Variants in MTHFD1 observed in about 807,000 individuals in gnomAD.
MTHFD1 encodes methylenetetrahydrofolate dehydrogenase, cyclohydrolase and formyltetrahydrofolate synthetase 1.
A neutral mutation model predicts 110.3 loss-of-function variants in MTHFD1; 44 were observed. The observed-to-expected ratio is 0.40, with a 90% CI of 0.31 to 0.51. The LOEUF is 0.51. Among genes scored for constraint, MTHFD1 ranks in the 20% least tolerant of loss-of-function variants. The probability of loss-of-function intolerance (pLI) is 0.60; values close to 1 mark genes in which losing one functional copy is unlikely to be tolerated. For missense variants in MTHFD1, 909 were observed against 1,173.1 expected, an observed-to-expected ratio of 0.77 and a Z score of 3.29; for synonymous variants, 402 against 428.8, an observed-to-expected ratio of 0.94 and a Z score of 0.77.
At chr14:64,439,232 C>T (rs913671516) in intron 17 of MTHFD1, 60 bp downstream of exon 17, 5 of 1,218,624 alleles carry the variant, frequency 4.1e-6, no homozygotes, top group Non-Finnish European at 3.6e-6. Flanking sequence ...TGCTGCTTCT[C>T]TCCTCCTCCA....
In MTHFD1 at chr14:64,454,834, G is replaced by A. The variant is rs1472102736; in HGVS notation, c.2677G>A (p.Ala893Thr). 6.8e-6 allele frequency: 11 copies of A among 1,614,058 alleles called. No homozygotes were observed. Among genetic ancestry groups the A allele is most frequent in the African/African-American group, 6.7e-5 (5 of 74,934 alleles). Residue 893 changes from alanine to threonine, a missense_variant, in exon 26 of 28, where the codon GCC becomes ACC. By Grantham distance (58) the Ala-to-Thr change is moderately conservative. Around this residue, in one of 3 missense-constraint regions of MTHFD1, gnomAD observed 482 missense variants for 646.0 expected, o/e 0.75. Coordinates refer to ENST00000652337, the MANE Select transcript of MTHFD1 (RefSeq NM_005956.4). ...CATTCTGCCCATTCGCGACATCCGC[G>A]CCAGCGTTGGGGCTGGTTTTCTGTA... The part of the protein sequence containing the change: ...GFILPIRDIR[A>T]SVGAGFLYPL...
At chr14:64,412,170 G>C (rs1027711856) in intron 3 of MTHFD1, among the ~76,000 whole-genome samples, 1 of 152,152 alleles carries the variant, frequency 6.6e-6, no homozygotes, top group Non-Finnish European at 1.5e-5. Context: ...GAACCAAAAA[G>C]GGGGAGGCAG....
chr14:64,435,012 T>G (rs2078194830), intron 15 of MTHFD1, among the ~76,000 whole-genome samples: 1 of 138,864 alleles, frequency 7.2e-6, no homozygotes, highest in East Asian at 2.3e-4. Context: ...TGCAGTGGCG[T>G]GATCTTGGCT....
Position 64,417,953 on chromosome 14 carries a change from C to T in MTHFD1, c.544C>T (p.His182Tyr), listed in dbSNP as rs1201888504. ...CAGTAAAATAGTTGGGGCCCCGATG[C>T]ATGACTTGCTTCTGTGGAACAATGC... The part of the protein sequence containing the change: ...GRSKIVGAPM[H>Y]DLLLWNNATV... Residue 182 changes from histidine to tyrosine, a missense_variant, in exon 7 of 28, where the codon CAT (histidine) becomes TAT (tyrosine). Physicochemically the swap from His to Tyr is moderately conservative, Grantham distance 83. This residue lies in a region of MTHFD1 where 424 missense variants were observed against 510.4 expected (regional missense o/e 0.83). Coordinates refer to ENST00000652337, the MANE Select transcript of MTHFD1 (RefSeq NM_005956.4). This position sits in a 1 kb window ranked among gnomAD's most constrained non-coding sequence, Gnocchi z 4.4. 1 of 1,613,998 alleles carries T rather than the reference C, an allele frequency of 6.2e-7. No homozygotes were observed. The highest frequency in any genetic ancestry group is 8.5e-7 in the Non-Finnish European group (1 of 1,180,024).
chr14:64,434,952 T>TC (rs1182787672), intron 15 of MTHFD1, among the ~76,000 whole-genome samples: 11 of 104,500 alleles, frequency 1.1e-4, no homozygotes, highest in Non-Finnish European at 1.4e-4. Context: ...CTCTTTTCTT[T>TC]TTTTTTTTTT....
rs1291334686 is a variant in MTHFD1, at chr14:64,419,816, A to G, written c.618A>G (p.Val206=). Residue 206 remains valine (V), a splice_region_variant and synonymous_variant, in exon 8 of 28, where the codon GTA becomes GTG. Transcript: ENST00000652337. ...ATGTCCAAATCCCCTACCCCTAGGT[A>G]AATAAAGGTGACATCCTGGTGGTTG... The part of the protein sequence containing the change: ...HSKTAHLDEE[V]NKGDILVVAT... 4.3e-6 allele frequency: 7 copies of G among 1,609,654 alleles called. No homozygotes were observed. In the African/African-American group the frequency reaches 9.4e-5, roughly 22 times the overall value.
chr14:64,392,217 C>G (rs1410509609), intron 1 of MTHFD1, among the ~76,000 whole-genome samples: 1 of 152,166 alleles, frequency 6.6e-6, no homozygotes. Context: ...GGGTCAATGG[C>G]AATGGCCCTG....
chr14:64,427,488 G>A lies in MTHFD1; in HGVS notation c.1264+15G>A. ...TGGAATAAAAGGTACTAGTGAGACT[G>A]GACCATGGGTGGTGACAGGGGACCT... On this transcript the variant is annotated intron_variant, in intron 12 of 27. Transcript: ENST00000652337. 1 of 1,613,872 alleles carries A rather than the reference G, an allele frequency of 6.2e-7. No homozygotes were observed. Among genetic ancestry groups the A allele is most frequent in the South Asian group, 1.1e-5 (1 of 91,078 alleles).
intron 13 of MTHFD1, 150 bp downstream of exon 13, chr14:64,430,380 C>T (rs1459608424): frequency 2.7e-6 from 2 of 732,278 alleles, no homozygotes; most frequent in Admixed American, 2.0e-5. Context: ...CTCACTGCAA[C>T]CTCTGCCTCC....
chr14:64,397,178 T>G (rs1388679389), intron 1 of MTHFD1, among the ~76,000 whole-genome samples: 15 of 15,316 alleles, frequency 9.8e-4, no homozygotes, highest in African/African-American at 4.6e-3. Context: ...TATATATATA[T>G]ATATATATAT....
intron 18 of MTHFD1, chr14:64,440,641 A>G (rs1308494587): frequency 6.3e-6 from 2 of 316,018 alleles, no homozygotes; most frequent in Non-Finnish European, 1.2e-5. Flanking sequence ...CCTGATGTTA[A>G]AAGTTGGTAT....
chr14:64,421,351 G>C (rs573673030), intron 8 of MTHFD1, among the ~76,000 whole-genome samples: 1 of 152,306 alleles, frequency 6.6e-6, no homozygotes, highest in South Asian at 2.1e-4. Flanking sequence ...GGGAGTTATA[G>C]CTGGAAGTCT....
chr14:64,410,986 T>C (rs989644757), intron 2 of MTHFD1, 104 bp from the exon 3 acceptor site: 1 of 819,620 alleles, frequency 1.2e-6, no homozygotes, highest in Admixed American at 1.8e-5. Flanking sequence ...GCAACAAGAG[T>C]CGCATGATTA....
intron 2 of MTHFD1, among the ~76,000 whole-genome samples, chr14:64,404,954 G>A (rs376655291): frequency 1.4e-3 from 213 of 151,526 alleles, no homozygotes; most frequent in East Asian, 3.3e-3. Flanking sequence ...CTAAGACTCC[G>A]TCTCAATTTA....
chr14:64,412,760 C>T (rs1001033928), intron 4 of MTHFD1, among the ~76,000 whole-genome samples: 11 of 151,608 alleles, frequency 7.3e-5, no homozygotes, highest in Admixed American at 2.6e-4. Context: ...GCCTCAGCCT[C>T]CCGAGTAGCT....
chr14:64,418,222 G>A (rs1030797246), intron 7 of MTHFD1, among the ~76,000 whole-genome samples, 198 bp downstream of exon 7: 1 of 152,116 alleles, frequency 6.6e-6, no homozygotes, highest in African/African-American at 2.4e-5. Context: ...TGAGGCAGGA[G>A]GATTGTTTGA....
At chr14:64,451,875 C>T (rs2078378196) in intron 24 of MTHFD1, among the ~76,000 whole-genome samples, 1 of 152,204 alleles carries the variant, frequency 6.6e-6, no homozygotes, top group Non-Finnish European at 1.5e-5. Flanking sequence ...ATCTGTGTTT[C>T]ATCTTTATAA....
At position 64,396,389 on chromosome 14, in the gene MTHFD1, G is replaced by GT. The variant is rs10719061; in HGVS notation, c.42-4385dup. On this transcript the variant is annotated intron_variant, in intron 1 of 27. Coordinates refer to ENST00000652337, the MANE Select transcript of MTHFD1 (RefSeq NM_005956.4). ...TTAAGTTTTTAAAAATTTTTTGAAG[G>GT]TTTTTTTTTTTTTTTTTTTGAGATG... Among the ~76,000 whole-genome samples the GT allele has an allele frequency of 7.2e-4, 54 of 74,818 alleles. 1 individual carries two copies. Among genetic ancestry groups the GT allele is most frequent in the East Asian group, 2.2e-3 (8 of 3,604 alleles). 49.1% of individuals were successfully genotyped at this position (74,818 alleles called of 152,430 possible).
intron 8 of MTHFD1, among the ~76,000 whole-genome samples, chr14:64,421,182 C>T (rs891429455): frequency 1.3e-5 from 2 of 152,152 alleles, no homozygotes; most frequent in South Asian, 2.1e-4. Context: ...CCTCCTCTCC[C>T]ATAGAACATG....
Sources: gnomAD v4.1 joint callset for allele counts (sites outside exome capture counted in the v4.1 genomes callset) on GRCh38, gnomAD v4.1.1 for gene constraint, gnomAD v4.1.1 regional missense constraint, Gnocchi (gnomAD v3.1) non-coding constraint, MANE v1.5 for transcripts, NCBI Gene and HGNC (gene_info 2026-07-23, HGNC 2026-07-21) for gene names.